The following KIF21A variants were observed in gnomAD, a reference collection of about 807,000 sequenced individuals.
KIF21A encodes the protein kinesin-like protein KIF21A.
KIF21A carries 114 observed loss-of-function variants against 202.9 expected under a neutral mutation model. The observed-to-expected ratio is 0.56, with a 90% CI of 0.48 to 0.66. The LOEUF (loss-of-function observed/expected upper bound fraction) is 0.66, where lower values mean the gene tolerates loss of function less well. KIF21A is among the 30% of genes least tolerant of loss of function. The pLI is 0.00. For synonymous variants in KIF21A, 667 were observed against 670.8 expected (o/e 0.99, Z 0.09); for missense variants, 1,677 against 1,994.9 (o/e 0.84, Z 3.04).
chr12:39,357,712 C>T (rs1254412705), intron 8 of KIF21A, among the ~76,000 whole-genome samples: 1 of 151,430 alleles, frequency 6.6e-6, no homozygotes, highest in Non-Finnish European at 1.5e-5. Context: ...GAGTTCAAGA[C>T]CAGCCTGGCC....
chr12:39,389,133 C>G (rs1461966327), intron 1 of KIF21A, among the ~76,000 whole-genome samples: 1 of 151,104 alleles, frequency 6.6e-6, no homozygotes, highest in East Asian at 1.9e-4. Context: ...GTAATATTTA[C>G]CAATACAGGT....
At chr12:39,394,984 C>T (rs760228305) in intron 1 of KIF21A, among the ~76,000 whole-genome samples, 12 of 152,188 alleles carry the variant, frequency 7.9e-5, no homozygotes, top group Non-Finnish European at 1.8e-4. Context: ...CACACCTAAT[C>T]CATTATGAAG....
At chr12:39,331,585 T>A (rs935336543) in intron 22 of KIF21A, 105 bp downstream of exon 22, 2 of 792,674 alleles carry the variant, frequency 2.5e-6, no homozygotes, top group Non-Finnish European at 2.3e-6. Flanking sequence ...TTATGAATAA[T>A]CTTCTTCCTT....
At chr12:39,330,369 G>T (rs931369432) in intron 23 of KIF21A, 107 bp from the exon 24 acceptor site, 3 of 964,906 alleles carry the variant, frequency 3.1e-6, no homozygotes, top group Non-Finnish European at 5.0e-6. Context: ...TTTACATGTA[G>T]AATAGATGCC....
Position 39,443,079 on chromosome 12 carries a change from G to A in KIF21A, c.-109C>T, listed in dbSNP as rs1317540744. ...TAGGCTGGGGCGTCTGCGGGCGGGC[G>A]GCCGGCTCACCTCCGCCGCGCTCCA... On this transcript the variant is annotated 5_prime_UTR_variant, in exon 1 of 38. Coordinates refer to ENST00000361418, the MANE Select transcript of KIF21A (RefSeq NM_001173464.2). 16 of 1,166,826 alleles carry A rather than the reference G, an allele frequency of 1.4e-5. 1 individual carries two copies. In the Middle Eastern group the frequency reaches 8.9e-4, roughly 65 times the overall value. 72.3% of individuals were successfully genotyped at this position (1,166,826 alleles called of 1,614,324 possible). A position where few individuals can be genotyped will look rare whatever the true frequency, so the allele number is the denominator to read the frequency against.
rs561535852 is a variant in KIF21A at position 39,405,735 on chromosome 12, T to C, written c.45-35474A>G. Among the ~76,000 whole-genome samples the C allele has an allele frequency of 1.1e-4, 17 of 152,328 alleles. No homozygotes were observed. In the South Asian group the frequency reaches 3.3e-3, roughly 30 times the overall value. ...CACTAAAAAAAGCCCTACATTATTG[T>C]TGCAAGTTTCTTACCAACAGACATT... On this transcript the variant is annotated intron_variant, in intron 1 of 37. Transcript: ENST00000361418.
At chr12:39,406,900 A>C (rs1952636817) in intron 1 of KIF21A, among the ~76,000 whole-genome samples, 2 of 152,220 alleles carry the variant, frequency 1.3e-5, no homozygotes, top group South Asian at 2.1e-4. Flanking sequence ...ACTCATGCTC[A>C]GCTCATTCCC....
At chr12:39,420,338 C>G (rs1188386909) in intron 1 of KIF21A, among the ~76,000 whole-genome samples, 1 of 152,130 alleles carries the variant, frequency 6.6e-6, no homozygotes, top group Non-Finnish European at 1.5e-5. Context: ...AGAGGTCAGA[C>G]AGAGAGTAGA....
At chr12:39,363,234 G>A (rs556373184) in intron 6 of KIF21A, 21 bp from the exon 7 acceptor site, 1 of 1,431,874 alleles carries the variant, frequency 7.0e-7, no homozygotes, top group African/African-American at 1.4e-5. Context: ...GAGAAAGAAA[G>A]ACAGCAAAAT....
Position 39,311,443 on chromosome 12 carries a change from T to A in KIF21A, c.4070A>T (p.Asp1357Val). The change falls in exon 32 of 38, where the codon GAT becomes GTT. Residue 1357 changes from aspartate (D) to valine (V), a missense_variant. By Grantham distance (152) the Asp-to-Val change is radical (BLOSUM62 -3). This residue lies in a region of KIF21A where 705 missense variants were observed against 791.9 expected (regional missense o/e 0.89). Coordinates refer to ENST00000361418, the MANE Select transcript of KIF21A (RefSeq NM_001173464.2). The part of the protein sequence containing the change: ...TKAVLCVDST[D>V]DLLFTGSKDR... Reference sequence around the variant, plus strand: ...TTTTGATCCAGTGAAGAGGAGATCATCAGTAGAATCCACACAGAGCACAGC... The same window carrying A: ...TTTTGATCCAGTGAAGAGGAGATCAACAGTAGAATCCACACAGAGCACAGC... 1 of 1,613,104 alleles carries A rather than the reference T, an allele frequency of 6.2e-7. No homozygotes were observed. Among genetic ancestry groups the A allele is most frequent in the Non-Finnish European group, 8.5e-7 (1 of 1,179,214 alleles).
chr12:39,368,107 T>C lies in KIF21A; in HGVS notation c.451-75A>G, dbSNP rs1949721521. 3 of 887,952 alleles carry C rather than the reference T, an allele frequency of 3.4e-6. No homozygotes were observed. In the Admixed American group the frequency reaches 6.2e-5, roughly 18 times the overall value. 55.0% of individuals were successfully genotyped at this position (887,952 alleles called of 1,614,324 possible). ...GTTGTCATAACAACACATTACATAA[T>C]GATTCCTTCATACAGATTTTTAAAG... On this transcript the variant is annotated intron_variant, in intron 3 of 37. Transcript: ENST00000361418.
chr12:39,371,679 C>G (rs1206524836), intron 1 of KIF21A, among the ~76,000 whole-genome samples: 1 of 152,096 alleles, frequency 6.6e-6, no homozygotes, highest in African/African-American at 2.4e-5. Flanking sequence ...CAGTAACACG[C>G]CTGTAATCCC....
intron 6 of KIF21A, among the ~76,000 whole-genome samples, chr12:39,364,457 G>A (rs1949464538): frequency 6.6e-6 from 1 of 152,176 alleles, no homozygotes; most frequent in African/African-American, 2.4e-5. Context: ...AATGCAAGAA[G>A]TCCAGAATCC....
intron 1 of KIF21A, among the ~76,000 whole-genome samples, chr12:39,405,194 A>C (rs1952486662): frequency 6.6e-6 from 1 of 152,144 alleles, no homozygotes; most frequent in African/African-American, 2.4e-5. Context: ...TCTACTAAAA[A>C]TACAAAAATT....
At chr12:39,441,893 C>T (rs1173493160) in intron 1 of KIF21A, among the ~76,000 whole-genome samples, 1 of 151,820 alleles carries the variant, frequency 6.6e-6, no homozygotes, top group Non-Finnish European at 1.5e-5. Flanking sequence ...TTTTTATAAT[C>T]CTTAAAGCAT....
chr12:39,331,859 T>C, intron 21 of KIF21A, 68 bp from the exon 22 acceptor site: 1 of 1,151,504 alleles, frequency 8.7e-7, no homozygotes, highest in East Asian at 2.3e-5. Context: ...CAGCCTATTG[T>C]TTCACATATT....
chr12:39,406,126 T>G (rs1021181510), intron 1 of KIF21A, among the ~76,000 whole-genome samples: 2 of 151,888 alleles, frequency 1.3e-5, no homozygotes, highest in African/African-American at 4.8e-5. Flanking sequence ...ACAAAAAAAA[T>G]TATTCTATTC....
intron 1 of KIF21A, among the ~76,000 whole-genome samples, chr12:39,416,145 T>C (rs1397846497): frequency 6.6e-6 from 1 of 152,090 alleles, no homozygotes; most frequent in Non-Finnish European, 1.5e-5. Context: ...AAAAAAAGTT[T>C]ATACCTACAC....
chr12:39,310,964 A>C (rs1943968830), intron 32 of KIF21A, among the ~76,000 whole-genome samples: 1 of 152,066 alleles, frequency 6.6e-6, no homozygotes, highest in African/African-American at 2.4e-5. Context: ...TGTTTACAAA[A>C]TGAGGATGCA....
Sources: allele counts gnomAD v4.1 joint callset (sites outside exome capture counted in the v4.1 genomes callset), GRCh38; gene constraint gnomAD v4.1.1; regional missense constraint gnomAD v4.1.1; transcripts MANE v1.5; gene names NCBI Gene and HGNC (gene_info 2026-07-23, HGNC 2026-07-21).